The following CCDC160 variants were observed in gnomAD, a reference collection of about 807,000 sequenced individuals.
CCDC160 encodes the protein coiled-coil domain-containing protein 160.
For missense variants in CCDC160, 227 were observed against 215.6 expected, an observed-to-expected ratio of 1.05 and a Z score of -0.33; for synonymous variants, 94 against 79.4, an observed-to-expected ratio of 1.18 and a Z score of -0.98.
At chrX:134,241,807 A>G (rs1057404235) in intron 1 of CCDC160, among the ~76,000 whole-genome samples, 2 of 112,001 alleles carry the variant, frequency 1.8e-5, no homozygotes, top group African/African-American at 3.2e-5. Context: ...TACACTTTCA[A>G]TAATGGCTTC....
At chrX:134,246,002 A>AGTGTGTGT, downstream of CCDC160, 1 of 230,642 alleles carries the variant, frequency 4.3e-6, no homozygotes, top group Non-Finnish European at 6.8e-6. Context: ...ATCTCATATC[A>AGTGTGTGT]GAGTGTGTGT....
chrX:134,242,272 A>G (rs983231045), intron 1 of CCDC160, among the ~76,000 whole-genome samples: 1 of 111,582 alleles, frequency 9.0e-6, no homozygotes, highest in Non-Finnish European at 1.9e-5. Flanking sequence ...GGCCTTTTAA[A>G]AGATACCTAA....
At chrX:134,246,036 C>T (rs867222128), downstream of CCDC160, 8 of 152,045 alleles carry the variant, frequency 5.3e-5, no homozygotes, top group Non-Finnish European at 9.3e-5. Context: ...TGTGTGTGTA[C>T]ACACACACAT....
chrX:134,241,908 G>A (rs2077028582), intron 1 of CCDC160, among the ~76,000 whole-genome samples: 1 of 112,052 alleles, frequency 8.9e-6, no homozygotes, highest in Non-Finnish European at 1.9e-5. Flanking sequence ...GAGTGTCATT[G>A]CCTTAAAGCA....
intron 1 of CCDC160, among the ~76,000 whole-genome samples, chrX:134,244,377 C>CCA (rs2077035752): frequency 8.9e-6 from 1 of 112,440 alleles, no homozygotes; most frequent in Non-Finnish European, 1.9e-5. Context: ...ACTAGAAAGG[C>CCA]ATCAGACACA....
At chrX:134,244,880 C>G (rs11798214) in exon 2 of CCDC160, 1 of 1,201,436 alleles carries the variant, frequency 8.3e-7, no homozygotes, top group Non-Finnish European at 1.1e-6. Context: ...GAAGAGACTT[C>G]TGAGCCTGAA....
intron 1 of CCDC160, among the ~76,000 whole-genome samples, chrX:134,244,300 C>T (rs904051290): frequency 1.8e-5 from 2 of 111,903 alleles, no homozygotes; most frequent in African/African-American, 6.5e-5. Context: ...AAGCAGCTCA[C>T]ATTTCATTAA....
downstream of CCDC160, chrX:134,246,004 AGTGTGTGTGT>A (rs201689931): frequency 5.0e-5 from 10 of 200,233 alleles, no homozygotes; most frequent in Admixed American, 7.8e-5. Context: ...CTCATATCAG[AGTGTGTGTGT>A]GTGTGTGTGT....
At chrX:134,243,059 C>G (rs1002648395) in intron 1 of CCDC160, among the ~76,000 whole-genome samples, 3 of 111,583 alleles carry the variant, frequency 2.7e-5, no homozygotes, top group African/African-American at 9.8e-5. Context: ...TGATATTTCC[C>G]TTTAAGAACA....
downstream of CCDC160, chrX:134,245,982 A>G: frequency 3.1e-6 from 1 of 320,699 alleles, no homozygotes; most frequent in Non-Finnish European, 5.3e-6. Context: ...ATGGAAACGA[A>G]GCTTTGGAAA....
intron 1 of CCDC160, among the ~76,000 whole-genome samples, chrX:134,237,561 TG>T (rs891359968): frequency 4.5e-5 from 5 of 110,564 alleles, no homozygotes; most frequent in African/African-American, 1.6e-4. Flanking sequence ...GAAAGAGGAG[TG>T]GGGTCAGGCC....
Position 134,244,196 on chromosome X carries a change from G to A in CCDC160, c.-24-581G>A, listed in dbSNP as rs1019159714. On this transcript the variant is annotated intron_variant, in intron 1 of 1. Transcript: ENST00000370809. The stretch of plus-strand genomic sequence containing the variant: ...CTTGGCAGTCTTGCCTAAAAGCAAA[G>A]CCCAAGACTGGAATAGCAGGAATTT... 6.3e-5 allele frequency among the ~76,000 whole-genome samples: 7 copies of A among 111,868 alleles called. No individual in the cohort carries two copies. The East Asian group carries it at 2.0e-3, about 31-fold the overall frequency.
At chrX:134,243,243 A>T (rs775353794) in intron 1 of CCDC160, 2 of 369,388 alleles carry the variant, frequency 5.4e-6, no homozygotes, top group Non-Finnish European at 7.0e-6. Flanking sequence ...TGGCTTTTGG[A>T]CCAATCATTT....
chrX:134,242,401 T>G (rs2077030072), intron 1 of CCDC160, among the ~76,000 whole-genome samples: 1 of 111,470 alleles, frequency 9.0e-6, no homozygotes, highest in Admixed American at 9.6e-5. Context: ...TTTACTACTA[T>G]GGGCTGTGTG....
At chrX:134,238,791 A>G (rs2077018673) in intron 1 of CCDC160, 1 of 112,001 alleles carries the variant, frequency 8.9e-6, no homozygotes, top group Admixed American at 9.5e-5. Context: ...CAAACTGGAG[A>G]AGGAGGGCAG....
chrX:134,237,257 A>C (rs1490487003), exon 1 of CCDC160: 1 of 113,055 alleles, frequency 8.8e-6, no homozygotes, highest in Non-Finnish European at 1.9e-5. Context: ...CGGTGGCCAG[A>C]GCCGAACGGG....
At chrX:134,243,329 G>C in intron 1 of CCDC160, 4 of 749,087 alleles carry the variant, frequency 5.3e-6, no homozygotes, top group Non-Finnish European at 6.3e-6. Flanking sequence ...AAGCCAAGTA[G>C]TTGCCAGTAG....
chrX:134,245,342 A>G, exon 2 of CCDC160: 2 of 1,190,418 alleles, frequency 1.7e-6, no homozygotes, highest in Non-Finnish European at 2.3e-6. Context: ...TACAAAAAAG[A>G]AATATTCACA....
exon 2 of CCDC160, chrX:134,245,178 A>G (rs2077038653): frequency 8.4e-7 from 1 of 1,197,441 alleles, no homozygotes; most frequent in African/African-American, 1.7e-5. Context: ...ATAACTTACC[A>G]GCTCTACTAA....
Sources: gnomAD v4.1 joint callset for allele counts (sites outside exome capture counted in the v4.1 genomes callset) on GRCh38, gnomAD v4.1.1 for gene constraint, MANE v1.5 for transcripts, NCBI Gene and HGNC (gene_info 2026-07-23, HGNC 2026-07-21) for gene names.